The following CDYL2 variants were observed in gnomAD, a reference collection of about 807,000 sequenced individuals.
CDYL2 encodes the protein chromodomain Y-like protein 2.
A neutral mutation model predicts 49.4 loss-of-function variants in CDYL2; 23 were observed. The ratio of observed to expected loss-of-function variants is 0.47; its 90% CI spans 0.34 to 0.66. The LOEUF (loss-of-function observed/expected upper bound fraction) is 0.66. CDYL2 is among the 30% of genes least tolerant of loss of function. The pLI is 0.01. For synonymous variants in CDYL2, 360 were observed against 268.8 expected (o/e 1.34, Z -3.32); for missense variants, 678 against 656.4 (o/e 1.03, Z -0.36).
chr16:80,673,531 C>T (rs1438695280), intron 2 of CDYL2, among the ~76,000 whole-genome samples: 1 of 152,114 alleles, frequency 6.6e-6, no homozygotes. Flanking sequence ...GTTTCCTTCA[C>T]AATGCACAGA....
chr16:80,699,273 A>G (rs1047072948), intron 1 of CDYL2, among the ~76,000 whole-genome samples: 2 of 152,226 alleles, frequency 1.3e-5, no homozygotes, highest in Non-Finnish European at 1.5e-5. Flanking sequence ...CCATCAACAG[A>G]TGAATGGATA....
intron 2 of CDYL2, among the ~76,000 whole-genome samples, chr16:80,663,700 C>T (rs1231468697): frequency 1.1e-4 from 17 of 152,104 alleles, no homozygotes. Flanking sequence ...TCAAGTGATT[C>T]TCCTGCCTCA....
intron 6 of CDYL2, among the ~76,000 whole-genome samples, chr16:80,607,334 C>G (rs903286265): frequency 6.6e-6 from 1 of 152,092 alleles, no homozygotes; most frequent in Non-Finnish European, 1.5e-5. Flanking sequence ...GCATGACAGC[C>G]GGGTGTGAAC....
chr16:80,629,580 C>T (rs927147749), intron 3 of CDYL2, among the ~76,000 whole-genome samples: 2 of 152,196 alleles, frequency 1.3e-5, no homozygotes, highest in Non-Finnish European at 2.9e-5. Flanking sequence ...ACTGTGTCAT[C>T]TGTTTCACTG....
chr16:80,782,431 C>A (rs1255452120), intron 1 of CDYL2, among the ~76,000 whole-genome samples: 1 of 148,184 alleles, frequency 6.7e-6, no homozygotes, highest in African/African-American at 2.5e-5. Flanking sequence ...AGCACCAATT[C>A]TTCTTAAAAT....
At chr16:80,728,605 A>C (rs1905236885) in intron 1 of CDYL2, among the ~76,000 whole-genome samples, 1 of 152,064 alleles carries the variant, frequency 6.6e-6, no homozygotes. Context: ...AATGCCACAA[A>C]GATACTCCTC....
chr16:80,683,258 A>G (rs1414560925), intron 2 of CDYL2, among the ~76,000 whole-genome samples: 1 of 152,242 alleles, frequency 6.6e-6, no homozygotes, highest in Non-Finnish European at 1.5e-5. Context: ...AGATTTCTGG[A>G]CATTCCAAGG....
Position 80,603,138 on chromosome 16 carries a change from C to G in CDYL2, c.*1250G>C, listed in dbSNP as rs1466723303. 1 of 152,260 alleles carries G rather than the reference C, an allele frequency of 6.6e-6. No individual in the cohort carries two copies. The highest frequency in any genetic ancestry group is 1.5e-5 in the Non-Finnish European group (1 of 68,074). 9.4% of individuals were successfully genotyped at this position (152,260 alleles called of 1,614,324 possible). A position where few individuals can be genotyped will look rare whatever the true frequency, so the allele number is the denominator to read the frequency against. On this transcript the variant is annotated 3_prime_UTR_variant, in exon 7 of 7. Transcript: ENST00000570137. Reference sequence around the variant, plus strand: ...TCTGGAGGGAAAAGATTCAGACCTCCAGACAGCTCAGCAGAGTGGGAACTC... The same window carrying G: ...TCTGGAGGGAAAAGATTCAGACCTCGAGACAGCTCAGCAGAGTGGGAACTC...
chr16:80,673,084 G>C (rs1160969228), intron 2 of CDYL2, among the ~76,000 whole-genome samples: 7 of 152,248 alleles, frequency 4.6e-5, no homozygotes, highest in Non-Finnish European at 7.4e-5. Context: ...TTGGGAGGCC[G>C]AGGTGGGTGG....
At chr16:80,769,387 G>A (rs1279125432) in intron 1 of CDYL2, among the ~76,000 whole-genome samples, 1 of 152,198 alleles carries the variant, frequency 6.6e-6, no homozygotes, top group African/African-American at 2.4e-5. Flanking sequence ...CTATACTAAA[G>A]CTTAACAAGC....
chr16:80,617,377 G>A (rs1906878395), intron 4 of CDYL2, among the ~76,000 whole-genome samples: 1 of 152,222 alleles, frequency 6.6e-6, no homozygotes, highest in Admixed American at 6.5e-5. Context: ...GATTTTGAAG[G>A]AAGTTCTTTC....
intron 2 of CDYL2, among the ~76,000 whole-genome samples, chr16:80,637,253 C>A (rs1190335440): frequency 6.6e-6 from 1 of 151,904 alleles, no homozygotes; most frequent in Non-Finnish European, 1.5e-5. Flanking sequence ...ACGAAAGGGA[C>A]TTCTTCAATT....
chr16:80,643,110 C>T (rs1908174557), intron 2 of CDYL2, among the ~76,000 whole-genome samples: 1 of 152,140 alleles, frequency 6.6e-6, no homozygotes, highest in Non-Finnish European at 1.5e-5. Context: ...AAGGGGGGTA[C>T]AGGTATTGGG....
At chr16:80,716,726 G>C (rs1355955169) in intron 1 of CDYL2, among the ~76,000 whole-genome samples, 1 of 152,064 alleles carries the variant, frequency 6.6e-6, no homozygotes, top group Non-Finnish European at 1.5e-5. Context: ...GTGATGGATG[G>C]ATAATGGATG....
chr16:80,796,136 G>C (rs1280030171), intron 1 of CDYL2, among the ~76,000 whole-genome samples: 6 of 152,340 alleles, frequency 3.9e-5, no homozygotes, highest in African/African-American at 1.2e-4. Flanking sequence ...CCATAGGCTA[G>C]ATCATCAGGA....
chr16:80,680,145 G>T (rs1024409717), intron 2 of CDYL2, among the ~76,000 whole-genome samples: 1 of 152,190 alleles, frequency 6.6e-6, no homozygotes, highest in Non-Finnish European at 1.5e-5. Context: ...AAGCTGAGAC[G>T]ATTTTAAAAG....
intron 6 of CDYL2, among the ~76,000 whole-genome samples, chr16:80,606,659 G>A (rs1247920587): frequency 6.6e-6 from 1 of 152,196 alleles, no homozygotes; most frequent in African/African-American, 2.4e-5. Context: ...AGGGGCATAT[G>A]GTTTGCCTGT....
chr16:80,683,773 G>A (rs1379122165), intron 2 of CDYL2, among the ~76,000 whole-genome samples: 2 of 152,178 alleles, frequency 1.3e-5, no homozygotes, highest in Non-Finnish European at 2.9e-5. Context: ...GATGGGCGCT[G>A]CCTTGCCCCT....
intron 2 of CDYL2, chr16:80,679,780 G>A (rs776026663): frequency 6.6e-6 from 3 of 456,056 alleles, no homozygotes; most frequent in East Asian, 6.9e-5. Flanking sequence ...CCGCCATCTT[G>A]GAGCTCATTA....
Sources: gnomAD v4.1 joint callset for allele counts (sites outside exome capture counted in the v4.1 genomes callset) on GRCh38, gnomAD v4.1.1 for gene constraint, MANE v1.5 for transcripts, NCBI Gene and HGNC (gene_info 2026-07-23, HGNC 2026-07-21) for gene names.